RARA: variants seen among roughly 807,000 people sequenced by gnomAD.
RARA encodes PML-DDX5-RARA fusion.
Under a neutral mutation model 42.8 loss-of-function variants are expected in RARA, and 5 were observed. That is an observed-to-expected ratio of 0.12 (90% CI 0.06 to 0.25). The LOEUF is 0.25. Ranked by LOEUF, RARA falls within the 10% of genes least tolerant of loss-of-function variation. The pLI, the probability that RARA is intolerant of heterozygous loss-of-function variation, is 1.00. For missense variants in RARA, 402 were observed against 628.7 expected, an observed-to-expected ratio of 0.64 and a Z score of 3.86; for synonymous variants, 256 against 259.5, an observed-to-expected ratio of 0.99 and a Z score of 0.13.
intron 1 of RARA, among the ~76,000 whole-genome samples, chr17:40,328,540 A>T (rs2033604202): frequency 6.6e-6 from 1 of 152,172 alleles, no homozygotes; most frequent in Middle Eastern, 3.2e-3. Flanking sequence ...GAACACTTTC[A>T]TCACCCCAGA....
intron 2 of RARA, 147 bp from the exon 3 acceptor site, chr17:40,348,169 G>T: frequency 9.8e-7 from 1 of 1,020,346 alleles, no homozygotes; most frequent in East Asian, 2.9e-5. Flanking sequence ...GTCTGGCTGG[G>T]GAGTCCCAGT....
intron 2 of RARA, among the ~76,000 whole-genome samples, chr17:40,343,519 G>A (rs532492684): frequency 8.5e-5 from 13 of 152,318 alleles, no homozygotes; most frequent in African/African-American, 3.1e-4. Flanking sequence ...CAGACACTTG[G>A]CTGTCATCTT....
In RARA at chr17:40,345,515, G is replaced by A. The variant is rs1053629133; in HGVS notation, c.179-2801G>A. On this transcript the variant is annotated intron_variant, in intron 2 of 8. Transcript: ENST00000254066. The surrounding 1 kb of genome is among the most constrained non-coding windows in gnomAD (Gnocchi z 4.8). ...GGGCGTGGGGAATCCGGAGTGGAGC[G>A]CTCTGCGCCGCCCGCCCTGCCAGGA... 2.0e-5 allele frequency among the ~76,000 whole-genome samples: 3 copies of A among 152,196 alleles called. No individual in the cohort carries two copies. Among genetic ancestry groups the A allele is most frequent in the Admixed American group, 6.5e-5 (1 of 15,284 alleles).
At chr17:40,327,325 G>A (rs1316653970) in intron 1 of RARA, among the ~76,000 whole-genome samples, 5 of 152,212 alleles carry the variant, frequency 3.3e-5, no homozygotes, top group Admixed American at 6.5e-5. Context: ...GGGCCTCAGC[G>A]TGGGTTACAG....
chr17:40,356,089 G>A lies in RARA; in HGVS notation c.1252G>A (p.Glu418Lys). 7.5e-7 allele frequency: 1 copy of A among 1,334,534 alleles called. No homozygotes were observed. Among genetic ancestry groups the A allele is most frequent in the Non-Finnish European group, 1.0e-6 (1 of 996,760 alleles). The allele number at this position is 1,334,534 out of a possible 1,614,324, so 82.7% of individuals were successfully genotyped here. The change falls in exon 9 of 9, where the codon GAG (glutamate) becomes AAG (lysine). Residue 418 changes from glutamate (E) to lysine (K), a missense_variant. By Grantham distance (56) the Glu-to-Lys change is moderately conservative. Transcript: ENST00000254066. ...PLIQEMLENS[E>K]GLDTLSGQPG... ...CATCCAGGAAATGTTGGAGAACTCA[G>A]AGGGCCTGGACACTCTGAGCGGACA...
In RARA at chr17:40,354,576, G is replaced by A; in HGVS notation, c.1012+70G>A. On this transcript the variant is annotated intron_variant, in intron 7 of 8. Transcript: ENST00000254066. The surrounding 1 kb of genome is among the most constrained non-coding windows in gnomAD (Gnocchi z 4.5). ...GCAGCCCTGGAGTCTCTTCCAGGGA[G>A]CTCTTTCAGGCCACCTCTGTTAGGT... The A allele has an allele frequency of 6.6e-7, 1 of 1,521,604 alleles. No homozygotes were observed. The allele number at this position is 1,521,604 out of a possible 1,614,324, so 94.3% of individuals were successfully genotyped here. A position where few individuals can be genotyped will look rare whatever the true frequency, so the allele number is the denominator to read the frequency against.
At chr17:40,314,352 T>G (rs974157178) in intron 1 of RARA, among the ~76,000 whole-genome samples, 7 of 151,778 alleles carry the variant, frequency 4.6e-5, no homozygotes, top group Non-Finnish European at 8.8e-5. Flanking sequence ...AGTGCATGTG[T>G]ATATGAGGGG....
rs117074300 is a variant in RARA, at chr17:40,343,467, G to A, written c.179-4849G>A. ...GTCTGCCATCCTAACCTTCCATCTT[G>A]GCAAGGGGCACTGGGTCCTTATGGG... On this transcript the variant is annotated intron_variant, in intron 2 of 8. Transcript: ENST00000254066. Among the ~76,000 whole-genome samples the A allele has an allele frequency of 3.5e-3, 529 of 152,314 alleles. 3 individuals are homozygous for A. Among genetic ancestry groups the A allele is most frequent in the Middle Eastern group, 0.027 (8 of 294 alleles).
intron 1 of RARA, among the ~76,000 whole-genome samples, chr17:40,324,459 G>C (rs1415923845): frequency 1.3e-5 from 2 of 152,134 alleles, no homozygotes; most frequent in Admixed American, 1.3e-4. Flanking sequence ...TCCCCCGGGG[G>C]ATCTGGGGTA....
At position 40,320,608 on chromosome 17, in the gene RARA, C is replaced by T. The variant is rs983258042; in HGVS notation, c.-362-10249C>T. Among the ~76,000 whole-genome samples the T allele has an allele frequency of 6.6e-6, 1 of 152,216 alleles. No homozygotes were observed. Among genetic ancestry groups the T allele is most frequent in the Non-Finnish European group, 1.5e-5 (1 of 68,038 alleles). On this transcript the variant is annotated intron_variant, in intron 1 of 8. Coordinates refer to ENST00000254066, the MANE Select transcript of RARA (RefSeq NM_000964.4). The surrounding 1 kb of genome is among the most constrained non-coding windows in gnomAD (Gnocchi z 4.1). ...CCACTCCTTGCTCAGACTCCAGTCT[C>T]AGGTGGGATGGTCCTCAGAACCGTG... is the stretch of plus-strand genomic sequence containing the variant.
At chr17:40,311,779 C>G (rs1476105741) in intron 1 of RARA, among the ~76,000 whole-genome samples, 1 of 152,130 alleles carries the variant, frequency 6.6e-6, no homozygotes, top group Non-Finnish European at 1.5e-5. Context: ...AGGGCCTTCC[C>G]CTAGGGCTGG....
intron 2 of RARA, among the ~76,000 whole-genome samples, chr17:40,333,505 T>C (rs886337588): frequency 2.6e-5 from 4 of 151,876 alleles, no homozygotes; most frequent in Non-Finnish European, 5.9e-5. Flanking sequence ...GCTAATTTTT[T>C]TTGTATTTTT....
Position 40,354,488 on chromosome 17 carries a change from A to C in RARA, c.994A>C (p.Ile332Leu), listed in dbSNP as rs1303998335. The change falls in exon 7 of 9, where the codon ATC becomes CTC. Residue 332 changes from isoleucine to leucine, a missense_variant. Ile to Leu is a conservative substitution (Grantham distance 5). This residue lies in a region of RARA where 104 missense variants were observed against 160.1 expected (regional missense o/e 0.65). Transcript: ENST00000254066. The surrounding 1 kb of genome is among the most constrained non-coding windows in gnomAD (Gnocchi z 4.5). ...DDAETGLLSAICLICGDRQDL... is the reference protein window; with the variant it reads ...DDAETGLLSALCLICGDRQDL... ...TGCGGAGACGGGGCTGCTCAGCGCC[A>C]TCTGCCTCATCTGCGGAGGTGGGCA... 1 of 1,610,574 alleles carries C rather than the reference A, an allele frequency of 6.2e-7. No individual in the cohort carries two copies. Among genetic ancestry groups the C allele is most frequent in the Non-Finnish European group, 8.5e-7 (1 of 1,178,178 alleles).
chr17:40,311,597 C>T (rs1013771224), intron 1 of RARA, among the ~76,000 whole-genome samples: 1 of 152,184 alleles, frequency 6.6e-6, no homozygotes, highest in African/African-American at 2.4e-5. Context: ...CATCTGGGAG[C>T]TTCTGGGGGT....
At chr17:40,327,881 C>T (rs1031138711) in intron 1 of RARA, among the ~76,000 whole-genome samples, 4 of 152,296 alleles carry the variant, frequency 2.6e-5, no homozygotes, top group African/African-American at 9.6e-5. Flanking sequence ...TGGGAGGGGG[C>T]CAGGGCGGCA....
chr17:40,353,812 G>T (rs931629691), intron 6 of RARA, among the ~76,000 whole-genome samples: 1 of 152,158 alleles, frequency 6.6e-6, no homozygotes, highest in African/African-American at 2.4e-5. Flanking sequence ...TCCCCATGCC[G>T]TGGATGCAGG....
chr17:40,342,789 C>T, intron 2 of RARA: 10 of 1,612,908 alleles, frequency 6.2e-6, no homozygotes, highest in Non-Finnish European at 8.5e-6. Flanking sequence ...GGCCTGTTTG[C>T]TCCCAGAGAA....
At chr17:40,332,362 C>T (rs549414156) in intron 2 of RARA, among the ~76,000 whole-genome samples, 18 of 152,294 alleles carry the variant, frequency 1.2e-4, no homozygotes, top group African/African-American at 4.1e-4. Flanking sequence ...AAACGTGTCC[C>T]CACCTCTCCT....
chr17:40,341,742 C>G (rs946783645), intron 2 of RARA: 1 of 1,294,650 alleles, frequency 7.7e-7, no homozygotes, highest in African/African-American at 1.6e-5. Context: ...CCGGGACCAC[C>G]CCCCTCTTCC....
Sources: allele counts gnomAD v4.1 joint callset (sites outside exome capture counted in the v4.1 genomes callset), GRCh38; gene constraint gnomAD v4.1.1; regional missense constraint gnomAD v4.1.1; non-coding constraint Gnocchi (gnomAD v3.1); transcripts MANE v1.5; gene names NCBI Gene and HGNC (gene_info 2026-07-23, HGNC 2026-07-21).